The following TRIM67 variants were observed in gnomAD, a reference collection of about 807,000 sequenced individuals.
TRIM67 encodes the protein tripartite motif containing 67.
TRIM67 carries 39 observed loss-of-function variants against 71.0 expected under a neutral mutation model. That is an observed-to-expected ratio of 0.55 (90% CI 0.43 to 0.72). The LOEUF (loss-of-function observed/expected upper bound fraction) is 0.72. Among genes scored for constraint, TRIM67 ranks in the 30% least tolerant of loss-of-function variants. The pLI, the probability that TRIM67 is intolerant of heterozygous loss-of-function variation, is 0.00. For missense variants in TRIM67, 973 were observed against 1,079.2 expected, an observed-to-expected ratio of 0.90 and a Z score of 1.38; for synonymous variants, 481 against 473.9, an observed-to-expected ratio of 1.01 and a Z score of -0.19.
At chr1:231,193,503 G>GCTCCCTCT (rs1553325672) in intron 1 of TRIM67, among the ~76,000 whole-genome samples, 1 of 81,946 alleles carries the variant, frequency 1.2e-5, no homozygotes, top group Non-Finnish European at 2.3e-5. Context: ...TCTCTCTCAA[G>GCTCCCTCT]CTCTCTCTCT....
chr1:231,202,207 T>C (rs1461589723), intron 5 of TRIM67, among the ~76,000 whole-genome samples: 4 of 149,832 alleles, frequency 2.7e-5, no homozygotes, highest in Non-Finnish European at 5.9e-5. Flanking sequence ...GTGGCTGAGA[T>C]AGTGGAGGAG....
At position 231,209,897 on chromosome 1, in the gene TRIM67, T is replaced by A. The variant is rs12033870; in HGVS notation, c.2123+647T>A. Among the ~76,000 whole-genome samples, 37,593 of 152,114 alleles carry A rather than the reference T, an allele frequency of 0.25. 5,098 individuals are homozygous for A. The highest frequency in any genetic ancestry group is 0.35 in the Admixed American group (5,397 of 15,280). ...TGGCCTGTGAAACTACTGGGACCTCTGTTAGGAGGGCAGATGGGGATGGGT... is the reference window on the plus strand; with the variant it reads ...TGGCCTGTGAAACTACTGGGACCTCAGTTAGGAGGGCAGATGGGGATGGGT... On this transcript the variant is annotated intron_variant, in intron 8 of 9. Transcript: ENST00000366653. The surrounding 1 kb of genome is among the most constrained non-coding windows in gnomAD (Gnocchi z 4.1).
At position 231,180,999 on chromosome 1, in the gene TRIM67, C is replaced by T. The variant is rs192103827; in HGVS notation, c.1045-16372C>T. On this transcript the variant is annotated intron_variant, in intron 1 of 9. Transcript: ENST00000366653. ...TTTGTTTGTTTGTGATGGAGTCTCGCTCTGTCGCCAGGCTAGAGTACAGTG... is the reference window on the plus strand; with the variant it reads ...TTTGTTTGTTTGTGATGGAGTCTCGTTCTGTCGCCAGGCTAGAGTACAGTG... Among the ~76,000 whole-genome samples, 98 of 152,216 alleles carry T rather than the reference C, an allele frequency of 6.4e-4. 1 individual carries two copies. The South Asian group carries it at 0.019, about 29-fold the overall frequency.
intron 1 of TRIM67, among the ~76,000 whole-genome samples, chr1:231,176,912 A>AAAAAAAAAACAAAAAAAAC (rs1030731643): frequency 0.012 from 1,803 of 150,116 alleles, 89 homozygotes; most frequent in African/African-American, 0.043. Context: ...CTGGCAAAAA[A>AAAAAAAAAACAAAAAAAAC]AAAAAAAAAA....
chr1:231,167,059 G>A (rs1047386656), intron 1 of TRIM67, among the ~76,000 whole-genome samples: 1 of 152,158 alleles, frequency 6.6e-6, no homozygotes, highest in Admixed American at 6.6e-5. Flanking sequence ...CTGACCTGCT[G>A]GGTGCAGATG....
At chr1:231,166,474 A>G (rs1682468162) in intron 1 of TRIM67, among the ~76,000 whole-genome samples, 1 of 152,212 alleles carries the variant, frequency 6.6e-6, no homozygotes, top group South Asian at 2.1e-4. Flanking sequence ...TGAAAGACAA[A>G]CTAGAACCCT....
chr1:231,212,335 A>T (rs765185443), intron 8 of TRIM67, among the ~76,000 whole-genome samples: 21 of 152,198 alleles, frequency 1.4e-4, no homozygotes, highest in Admixed American at 2.6e-4. Flanking sequence ...AATCCTAAGA[A>T]CTTCATACAT....
At chr1:231,177,535 T>C (rs771450450) in intron 1 of TRIM67, among the ~76,000 whole-genome samples, 13 of 152,200 alleles carry the variant, frequency 8.5e-5, no homozygotes, top group Non-Finnish European at 1.6e-4. Context: ...CATGAGCTGA[T>C]TACTCTCTGG....
chr1:231,197,731 A>G (rs1683406283), intron 2 of TRIM67, among the ~76,000 whole-genome samples: 1 of 152,240 alleles, frequency 6.6e-6, no homozygotes, highest in Admixed American at 6.5e-5. Flanking sequence ...AGTCTGAGGC[A>G]GGAGAATCAC....
rs1179818543 is a variant in TRIM67 at position 231,217,298 on chromosome 1, G to A, written c.*1858G>A. 1.3e-5 allele frequency: 13 copies of A among 986,028 alleles called. No homozygotes were observed. The highest frequency in any genetic ancestry group is 6.1e-5 in the Admixed American group (1 of 16,292). 61.1% of individuals were successfully genotyped at this position (986,028 alleles called of 1,614,324 possible). On this transcript the variant is annotated 3_prime_UTR_variant, in exon 10 of 10. Coordinates refer to ENST00000366653, the MANE Select transcript of TRIM67 (RefSeq NM_001004342.5). ...GAGCTATCTGCTTCATGGAAGTCTA[G>A]GTCTTGCCTCTTCCTTGTCATCTCA...
chr1:231,213,917 A>C lies in TRIM67; in HGVS notation c.2226A>C (p.Thr742=), dbSNP rs756570427. Residue 742 remains threonine (T), a synonymous_variant, in exon 9 of 10, where the codon ACA becomes ACC. Transcript: ENST00000366653. ...TCAACGGGCAGCAGCAGGGCCCCAC[A>C]GCCTTCAGCCACGTGGACGGGGTCT... is the stretch of plus-strand genomic sequence containing the variant. ...FFINGQQQGP[T]AFSHVDGVFM... 8.7e-6 allele frequency: 14 copies of C among 1,613,686 alleles called. No individual in the cohort carries two copies. Among genetic ancestry groups the C allele is most frequent in the Non-Finnish European group, 2.5e-6 (3 of 1,179,774 alleles).
chr1:231,219,878 A>T lies in TRIM67; in HGVS notation c.*4438A>T. On this transcript the variant is annotated 3_prime_UTR_variant, in exon 10 of 10. Transcript: ENST00000366653. ...TTTAACCTAATATCTAGGCTGTAAA[A>T]ATATGAGGGCAGGTTTCGGGCAGGA... 1 of 1,289,874 alleles carries T rather than the reference A, an allele frequency of 7.8e-7. No homozygotes were observed. Among genetic ancestry groups the T allele is most frequent in the Non-Finnish European group, 1.0e-6 (1 of 988,890 alleles). The allele number at this position is 1,289,874 out of a possible 1,614,324, so 79.9% of individuals were successfully genotyped here.
At chr1:231,208,158 AC>A in intron 7 of TRIM67, among the ~76,000 whole-genome samples, 1 of 148,840 alleles carries the variant, frequency 6.7e-6, no homozygotes, top group East Asian at 2.0e-4. Flanking sequence ...ATAGGCGCCC[AC>A]CACCATGTCC....
At chr1:231,196,575 CAA>C (rs34957086) in intron 1 of TRIM67, among the ~76,000 whole-genome samples, 5 of 126,300 alleles carry the variant, frequency 4.0e-5, no homozygotes, top group Middle Eastern at 4.3e-3. Flanking sequence ...GACCCTGTCT[CAA>C]AAAAAAAAAA....
In TRIM67 at chr1:231,219,891, G is replaced by T. The variant is rs960321099; in HGVS notation, c.*4451G>T. 2 of 1,289,880 alleles carry T rather than the reference G, an allele frequency of 1.6e-6. No homozygotes were observed. Among genetic ancestry groups the T allele is most frequent in the Middle Eastern group, 2.1e-4 (1 of 4,696 alleles). The allele number at this position is 1,289,880 out of a possible 1,614,324, so 79.9% of individuals were successfully genotyped here. The stretch of plus-strand genomic sequence containing the variant: ...CTAGGCTGTAAAAATATGAGGGCAG[G>T]TTTCGGGCAGGATGTATTGATCAGA... On this transcript the variant is annotated 3_prime_UTR_variant, in exon 10 of 10. Coordinates refer to ENST00000366653, the MANE Select transcript of TRIM67 (RefSeq NM_001004342.5).
intron 1 of TRIM67, among the ~76,000 whole-genome samples, chr1:231,192,457 G>A (rs1408796352): frequency 6.6e-6 from 1 of 152,080 alleles, no homozygotes; most frequent in African/African-American, 2.4e-5. Context: ...TGGGATTACA[G>A]GTATGAGCCA....
chr1:231,213,772 A>T (rs1683934395), intron 8 of TRIM67, 43 bp from the exon 9 acceptor site: 1 of 1,531,326 alleles, frequency 6.5e-7, no homozygotes, highest in African/African-American at 1.4e-5. Flanking sequence ...CCTACATCCC[A>T]GGCTGGGTGT....
In TRIM67 at chr1:231,163,850, G is replaced by T. The variant is rs750389378; in HGVS notation, c.881G>T (p.Gly294Val). 2 of 1,557,550 alleles carry T rather than the reference G, an allele frequency of 1.3e-6. No individual in the cohort carries two copies. The highest frequency in any genetic ancestry group is 4.8e-5 in the East Asian group (2 of 41,360). Residue 294 changes from glycine (G) to valine (V), a missense_variant, in exon 1 of 10, where the codon GGC becomes GTC. Gly to Val is a moderately radical substitution (Grantham distance 109). This residue lies in a region of TRIM67 where 795 missense variants were observed against 831.3 expected (regional missense o/e 0.96). Transcript: ENST00000366653. The stretch of plus-strand genomic sequence containing the variant: ...GGCGCGGGGGCGGGGGCGACTGGGG[G>T]CAGCACGGCCCGCAAGTTCCCCACG... Reference protein sequence around the residue: ...PGGAGAGATGGSTARKFPTCP... With the variant: ...PGGAGAGATGVSTARKFPTCP...
chr1:231,208,667 C>T (rs905040330), intron 7 of TRIM67, among the ~76,000 whole-genome samples: 1 of 152,096 alleles, frequency 6.6e-6, no homozygotes, highest in Non-Finnish European at 1.5e-5. Context: ...GAAACCAAGA[C>T]CAGAAAATGC....
Sources: allele counts gnomAD v4.1 joint callset (sites outside exome capture counted in the v4.1 genomes callset), GRCh38; gene constraint gnomAD v4.1.1; regional missense constraint gnomAD v4.1.1; non-coding constraint Gnocchi (gnomAD v3.1); transcripts MANE v1.5; gene names NCBI Gene and HGNC (gene_info 2026-07-23, HGNC 2026-07-21).